The following GRIP2 variants were observed in gnomAD, a reference collection of about 807,000 sequenced individuals.
The protein encoded by GRIP2 is glutamate receptor interacting protein 2, also known as glutamate receptor-interacting protein 2.
Under a neutral mutation model 108.3 loss-of-function variants are expected in GRIP2, and 58 were observed. The observed-to-expected ratio is 0.54, with a 90% CI of 0.43 to 0.67. The LOEUF is 0.67. Among genes scored for constraint, GRIP2 ranks in the 30% least tolerant of loss-of-function variants. The pLI, the probability that GRIP2 is intolerant of heterozygous loss-of-function variation, is 0.00. For missense variants in GRIP2, 1,278 were observed against 1,430.6 expected (o/e 0.89, Z 1.72); for synonymous variants, 586 against 598.2 (o/e 0.98, Z 0.30).
chr3:14,514,022 A>C (rs1264147985), intron 12 of GRIP2, among the ~76,000 whole-genome samples: 1 of 152,246 alleles, frequency 6.6e-6, no homozygotes, highest in Non-Finnish European at 1.5e-5. Flanking sequence ...AATGGGGATG[A>C]TGGCATGGGC....
At chr3:14,496,690 C>A in intron 21 of GRIP2, 130 bp from the exon 22 acceptor site, 1 of 1,295,088 alleles carries the variant, frequency 7.7e-7, no homozygotes, top group Admixed American at 2.9e-5. Context: ...TGGTCCCTGC[C>A]CATTGGGGCT....
At chr3:14,510,600 G>GAAAAC (rs1269762433) in intron 16 of GRIP2, among the ~76,000 whole-genome samples, 5 of 151,964 alleles carry the variant, frequency 3.3e-5, no homozygotes, top group Non-Finnish European at 5.9e-5. Context: ...GAAAAGAAAA[G>GAAAAC]AAATCTACCT....
the GRIP2 span, among the ~76,000 whole-genome samples, chr3:14,563,467 G>A: frequency 6.6e-6 from 1 of 152,156 alleles, no homozygotes; most frequent in Non-Finnish European, 1.5e-5. Flanking sequence ...GTGGGCGGGG[G>A]CTGGGGGAAG....
the GRIP2 span, among the ~76,000 whole-genome samples, chr3:14,602,656 C>A: frequency 4.6e-4 from 70 of 151,912 alleles, no homozygotes; most frequent in African/African-American, 1.6e-3. This position sits in a 1 kb window ranked among gnomAD's most constrained non-coding sequence, Gnocchi z 4.7. Context: ...GGCGCCCTGC[C>A]CCGGGTCCCA....
chr3:14,599,226 T>C, the GRIP2 span, among the ~76,000 whole-genome samples: 1 of 152,242 alleles, frequency 6.6e-6, no homozygotes, highest in African/African-American at 2.4e-5. Context: ...TTGCTGCATC[T>C]ATGTTTCCCC....
chr3:14,559,439 C>CAA (rs56183499), upstream of GRIP2, among the ~76,000 whole-genome samples: 132 of 121,752 alleles, frequency 1.1e-3, 1 homozygote, highest in East Asian at 4.8e-3. Flanking sequence ...AAGAATTTAT[C>CAA]AAAAAAAAAA....
rs1373689901 is a variant in GRIP2 at position 14,512,994 on chromosome 3, C to T, written c.1640-137G>A. 1.2e-5 allele frequency: 9 copies of T among 737,534 alleles called. No individual in the cohort carries two copies. Among genetic ancestry groups the T allele is most frequent in the Middle Eastern group, 2.4e-4 (1 of 4,146 alleles). 45.7% of individuals were successfully genotyped at this position (737,534 alleles called of 1,614,324 possible). Reference sequence around the variant, plus strand: ...CTAATCTCATCCCCCTGCTTCCTCTCAACAGAGGAGGAAACTGAGGCAGAG... The same window carrying T: ...CTAATCTCATCCCCCTGCTTCCTCTTAACAGAGGAGGAAACTGAGGCAGAG... On this transcript the variant is annotated intron_variant, in intron 13 of 23. Transcript: ENST00000621039. This position sits in a 1 kb window ranked among gnomAD's most constrained non-coding sequence, Gnocchi z 5.1.
the GRIP2 span, among the ~76,000 whole-genome samples, chr3:14,585,221 C>G: frequency 2.0e-5 from 3 of 152,240 alleles, no homozygotes; most frequent in Non-Finnish European, 4.4e-5. Context: ...TGGGGTTTCA[C>G]CATATTGACC....
chr3:14,517,112 T>G lies in GRIP2; in HGVS notation c.1258A>C (p.Thr420Pro). 1 of 1,609,264 alleles carries G rather than the reference T, an allele frequency of 6.2e-7. No homozygotes were observed. Among genetic ancestry groups the G allele is most frequent in the Non-Finnish European group, 8.5e-7 (1 of 1,178,008 alleles). The change falls in exon 11 of 24, where the codon ACT becomes CCT. Residue 420 changes from threonine (T) to proline (P), a missense_variant. Thr to Pro is a conservative substitution (Grantham distance 38, BLOSUM62 -1). Transcript: ENST00000621039. The stretch of plus-strand genomic sequence containing the variant: ...CGCTGCCTCCTCCGCCCCATTGTAG[T>G]TCGAGGACTCATGGGCTGGGATCCA... ...PRGSQPMSPR[T>P]TMGRRRQRRR...
rs201703855 is a variant in GRIP2, at chr3:14,498,508, G to A, written c.2680-1948C>T. Among the ~76,000 whole-genome samples, 9 of 152,188 alleles carry A rather than the reference G, an allele frequency of 5.9e-5. No individual in the cohort carries two copies. The East Asian group carries it at 1.4e-3, about 23-fold the overall frequency. On this transcript the variant is annotated intron_variant, in intron 21 of 23. Coordinates refer to ENST00000621039, the MANE Select transcript of GRIP2 (RefSeq NM_001080423.4). ...AGGGCCAAACTGTTGGGTTGGAGTG[G>A]GGGGGAAGATAGGAAACCGAGGGAG...
intron 11 of GRIP2, among the ~76,000 whole-genome samples, chr3:14,516,667 C>T (rs1694257375): frequency 6.6e-6 from 1 of 152,128 alleles, no homozygotes; most frequent in South Asian, 2.1e-4. Flanking sequence ...TAACAAATGG[C>T]AGAGAGGTGG....
At chr3:14,552,054 C>T (rs1695159188) in intron 1 of GRIP2, among the ~76,000 whole-genome samples, 1 of 151,598 alleles carries the variant, frequency 6.6e-6, no homozygotes, top group African/African-American at 2.4e-5. Context: ...TCCTTGTCTT[C>T]TTGATTCAAA....
chr3:14,551,136 G>T (rs137981277), intron 1 of GRIP2, among the ~76,000 whole-genome samples: 1 of 152,102 alleles, frequency 6.6e-6, no homozygotes, highest in Non-Finnish European at 1.5e-5. Context: ...GAAGAGTTGC[G>T]GTCAGCCTGA....
At chr3:14,538,455 G>A (rs1316728438) in intron 1 of GRIP2, among the ~76,000 whole-genome samples, 1 of 152,230 alleles carries the variant, frequency 6.6e-6, no homozygotes, top group Non-Finnish European at 1.5e-5. Flanking sequence ...CTCAAGGAGA[G>A]GAGAGAGTCT....
At chr3:14,506,672 G>T in intron 19 of GRIP2, 129 bp downstream of exon 19, 1 of 843,388 alleles carries the variant, frequency 1.2e-6, no homozygotes, top group South Asian at 2.3e-5. Flanking sequence ...CTTCAGGAAG[G>T]GCCCCTAAAG....
At chr3:14,546,222 G>A (rs569687623), upstream of GRIP2, among the ~76,000 whole-genome samples, 1 of 152,282 alleles carries the variant, frequency 6.6e-6, no homozygotes, top group Admixed American at 6.5e-5. Context: ...CAGGTAGGCC[G>A]ACCAAGCTTG....
At chr3:14,538,427 T>C (rs1289352775) in intron 1 of GRIP2, among the ~76,000 whole-genome samples, 1 of 152,076 alleles carries the variant, frequency 6.6e-6, no homozygotes, top group Non-Finnish European at 1.5e-5. Flanking sequence ...GACCTTAAGT[T>C]TGAAGGTGCC....
chr3:14,584,827 G>A, the GRIP2 span, among the ~76,000 whole-genome samples: 3,593 of 152,242 alleles, frequency 0.024, 170 homozygotes, highest in African/African-American at 0.081. Context: ...ACTCCTGCCC[G>A]CAGCCCATAG....
intron 4 of GRIP2, 23 bp downstream of exon 4, chr3:14,524,370 G>C: frequency 6.2e-7 from 1 of 1,604,480 alleles, no homozygotes; most frequent in Non-Finnish European, 8.5e-7. Context: ...AGTGGAGAAA[G>C]TTCCCCGTCC....
Sources: allele counts gnomAD v4.1 joint callset (sites outside exome capture counted in the v4.1 genomes callset), GRCh38; gene constraint gnomAD v4.1.1; non-coding constraint Gnocchi (gnomAD v3.1); transcripts MANE v1.5; gene names NCBI Gene and HGNC (gene_info 2026-07-23, HGNC 2026-07-21).